GALNT14: variants seen among roughly 807,000 people sequenced by gnomAD.
The protein encoded by GALNT14 is polypeptide N-acetylgalactosaminyltransferase 14, also known as UDP-GalNAc:polypeptide N-acetylgalactosaminyltransferase 14.
In GALNT14, 60 loss-of-function variants were observed where a neutral mutation model predicts 77.5. That is an observed-to-expected ratio of 0.77 (90% confidence interval 0.63 to 0.96). GALNT14 has a LOEUF of 0.96. GALNT14 is among the 40% of genes least tolerant of loss of function. The probability of loss-of-function intolerance (pLI) is 0.00; values close to 1 mark genes in which losing one functional copy is unlikely to be tolerated. For missense variants in GALNT14, 710 were observed against 731.0 expected (o/e 0.97, Z 0.33); for synonymous variants, 280 against 281.7 (o/e 0.99, Z 0.06).
intron 3 of GALNT14, among the ~76,000 whole-genome samples, chr2:30,964,921 T>G (rs1190424611): frequency 1.3e-5 from 2 of 152,168 alleles, no homozygotes; most frequent in East Asian, 3.9e-4. Flanking sequence ...GTAGCCTGCA[T>G]GATGGAAACA....
At chr2:30,901,643 T>C in the GALNT14 span, among the ~76,000 whole-genome samples, 1 of 151,970 alleles carries the variant, frequency 6.6e-6, no homozygotes, top group Non-Finnish European at 1.5e-5. Context: ...ACATATATGA[T>C]TATATATATG....
the GALNT14 span, among the ~76,000 whole-genome samples, chr2:30,892,502 T>G: frequency 6.6e-6 from 1 of 152,220 alleles, no homozygotes; most frequent in Non-Finnish European, 1.5e-5. Context: ...TTTTAGCAAT[T>G]TATTATGTCT....
At chr2:30,975,237 G>A (rs1668566185) in intron 2 of GALNT14, among the ~76,000 whole-genome samples, 1 of 152,180 alleles carries the variant, frequency 6.6e-6, no homozygotes, top group Admixed American at 6.5e-5. Flanking sequence ...TTAAAAGGCT[G>A]GGATGTTCTT....
intron 1 of GALNT14, among the ~76,000 whole-genome samples, chr2:31,113,815 A>G (rs1677959076): frequency 1.3e-5 from 2 of 152,222 alleles, no homozygotes; most frequent in Non-Finnish European, 2.9e-5. Flanking sequence ...GCACAGAGGG[A>G]GGTGGGGGGA....
intron 1 of GALNT14, among the ~76,000 whole-genome samples, chr2:31,029,686 A>C (rs2113487): frequency 1.3e-5 from 2 of 151,946 alleles, no homozygotes; most frequent in Non-Finnish European, 2.9e-5. Context: ...GTAGACTAGA[A>C]CAACACTCTA....
At chr2:30,904,986 C>G in the GALNT14 span, among the ~76,000 whole-genome samples, 2 of 152,092 alleles carry the variant, frequency 1.3e-5, no homozygotes, top group African/African-American at 2.4e-5. Context: ...TCCAACAGAC[C>G]TGCAGCTGAG....
chr2:30,940,677 G>A lies in GALNT14; in HGVS notation c.931+1524C>T, dbSNP rs557957440. On this transcript the variant is annotated intron_variant, in intron 9 of 14. Coordinates refer to ENST00000349752, the MANE Select transcript of GALNT14 (RefSeq NM_024572.4). ...CTGAGGTTGTCAAGACATAAAAATGGGCTCCACCCCATAAGAGAGAAGTCC... is the reference window on the plus strand; with the variant it reads ...CTGAGGTTGTCAAGACATAAAAATGAGCTCCACCCCATAAGAGAGAAGTCC... 2.2e-4 allele frequency among the ~76,000 whole-genome samples: 33 copies of A among 152,154 alleles called. 1 individual carries two copies. In the South Asian group the frequency reaches 6.9e-3, roughly 32 times the overall value.
chr2:31,136,930 T>G (rs1679251887), intron 1 of GALNT14, among the ~76,000 whole-genome samples: 1 of 152,116 alleles, frequency 6.6e-6, no homozygotes, highest in Non-Finnish European at 1.5e-5. Flanking sequence ...GCCCACATCT[T>G]CCTGTTTTTC....
chr2:30,939,909 G>A (rs1176177520), intron 9 of GALNT14, among the ~76,000 whole-genome samples: 1 of 151,692 alleles, frequency 6.6e-6, no homozygotes, highest in African/African-American at 2.4e-5. Context: ...ACGCACTCAG[G>A]TGCCTTGTTA....
intron 14 of GALNT14, among the ~76,000 whole-genome samples, chr2:30,911,918 C>T (rs1422122646): frequency 6.6e-6 from 1 of 152,148 alleles, no homozygotes; most frequent in Non-Finnish European, 1.5e-5. Flanking sequence ...CCCTGAGATC[C>T]TTGTTTGGGA....
chr2:31,011,907 G>A (rs541658251), intron 1 of GALNT14, among the ~76,000 whole-genome samples: 14 of 152,268 alleles, frequency 9.2e-5, no homozygotes, highest in South Asian at 2.1e-4. Flanking sequence ...ACGCTCAGCC[G>A]GGAAACACAT....
downstream of GALNT14, among the ~76,000 whole-genome samples, chr2:30,910,026 C>G (rs1262620741): frequency 7.8e-6 from 1 of 128,918 alleles, no homozygotes; most frequent in Non-Finnish European, 1.5e-5. Flanking sequence ...CACATGGACA[C>G]AGGAAGGGGA....
chr2:31,018,435 G>A (rs538696004), intron 1 of GALNT14, among the ~76,000 whole-genome samples: 1 of 152,302 alleles, frequency 6.6e-6, no homozygotes, highest in African/African-American at 2.4e-5. Context: ...GTCTTACATG[G>A]CAGCAGGTGA....
chr2:31,110,699 A>C (rs1398264067), intron 1 of GALNT14, among the ~76,000 whole-genome samples: 1 of 151,960 alleles, frequency 6.6e-6, no homozygotes, highest in Non-Finnish European at 1.5e-5. Flanking sequence ...CAATCACCAC[A>C]ATTTTTTTTT....
At chr2:31,003,445 C>G (rs1189695357) in intron 1 of GALNT14, among the ~76,000 whole-genome samples, 1 of 152,218 alleles carries the variant, frequency 6.6e-6, no homozygotes, top group Non-Finnish European at 1.5e-5. Flanking sequence ...GAAAATAAGT[C>G]TGCTAAGAGT....
intron 1 of GALNT14, among the ~76,000 whole-genome samples, chr2:31,043,486 AAAC>A (rs1290992791): frequency 6.6e-6 from 1 of 152,226 alleles, no homozygotes; most frequent in Non-Finnish European, 1.5e-5. Context: ...CAGTGTAGAC[AAAC>A]AAGAGGGGAA....
At chr2:30,953,934 G>T (rs1168800346) in intron 6 of GALNT14, among the ~76,000 whole-genome samples, 1 of 152,178 alleles carries the variant, frequency 6.6e-6, no homozygotes, top group Non-Finnish European at 1.5e-5. Flanking sequence ...CTCTATGACA[G>T]GCAGGGTGGC....
intron 13 of GALNT14, among the ~76,000 whole-genome samples, chr2:30,919,506 C>A (rs1215074614): frequency 6.6e-6 from 1 of 152,190 alleles, no homozygotes; most frequent in African/African-American, 2.4e-5. Flanking sequence ...TGAACTCAGC[C>A]CTTGGCTCCC....
chr2:30,948,837 TA>T (rs1007209045), intron 6 of GALNT14, among the ~76,000 whole-genome samples: 1 of 152,048 alleles, frequency 6.6e-6, no homozygotes, highest in African/African-American at 2.4e-5. Context: ...GCTTTGACTT[TA>T]AAAAAAATCT....
Sources: gnomAD v4.1 joint callset for allele counts (sites outside exome capture counted in the v4.1 genomes callset) on GRCh38, gnomAD v4.1.1 for gene constraint, MANE v1.5 for transcripts, NCBI Gene and HGNC (gene_info 2026-07-23, HGNC 2026-07-21) for gene names.